The following TSHR variants were observed in gnomAD, a reference collection of about 807,000 sequenced individuals.
The protein encoded by TSHR is thyrotropin receptor.
A neutral mutation model predicts 64.1 loss-of-function variants in TSHR; 51 were observed. The observed-to-expected ratio is 0.80, with a 90% CI of 0.64 to 1.01. The LOEUF is 1.01. TSHR is among the 50% of genes least tolerant of loss of function. The probability of loss-of-function intolerance (pLI) is 0.00; values close to 1 mark genes in which losing one functional copy is unlikely to be tolerated. For synonymous variants in TSHR, 361 were observed against 361.9 expected (o/e 1.00, Z 0.03); for missense variants, 877 against 942.8 (o/e 0.93, Z 0.91).
At chr14:81,073,021 AAT>A (rs60115249) in intron 3 of TSHR, among the ~76,000 whole-genome samples, 11,251 of 48,524 alleles carry the variant, frequency 0.23, 3,534 homozygotes, top group East Asian at 0.58. Flanking sequence ...ATAAAAAATA[AAT>A]ATATATATAT....
chr14:81,030,056 G>T (rs1262640639), intron 1 of TSHR, among the ~76,000 whole-genome samples: 1 of 152,144 alleles, frequency 6.6e-6, no homozygotes, highest in Non-Finnish European at 1.5e-5. Flanking sequence ...GTGTTGATAG[G>T]CCCTAGAAAC....
intron 8 of TSHR, among the ~76,000 whole-genome samples, chr14:81,137,762 T>C (rs1891512170): frequency 6.6e-6 from 1 of 152,260 alleles, no homozygotes; most frequent in Non-Finnish European, 1.5e-5. Flanking sequence ...ATTACTAACA[T>C]GTTTTCTCAA....
intron 8 of TSHR, among the ~76,000 whole-genome samples, chr14:81,138,096 A>G (rs1891524897): frequency 6.6e-6 from 1 of 151,954 alleles, no homozygotes; most frequent in Admixed American, 6.6e-5. Context: ...CCACTCTCTC[A>G]CTAACCGCAA....
intron 1 of TSHR, chr14:80,995,678 G>C (rs953870146): frequency 1.3e-5 from 2 of 151,206 alleles, no homozygotes; most frequent in Non-Finnish European, 3.0e-5. Context: ...GCATTTTAGA[G>C]GCTGGGGGAT....
intron 2 of TSHR, among the ~76,000 whole-genome samples, chr14:81,063,098 T>C (rs1008925676): frequency 3.9e-5 from 6 of 152,282 alleles, no homozygotes; most frequent in Admixed American, 3.3e-4. Flanking sequence ...AATTATCTAG[T>C]CCAAAATGTC....
intron 3 of TSHR, among the ~76,000 whole-genome samples, chr14:81,069,655 T>G (rs1331974850): frequency 6.6e-6 from 1 of 152,180 alleles, no homozygotes; most frequent in Non-Finnish European, 1.5e-5. Context: ...TAAGAAGGAT[T>G]GTTCCTAGTA....
In TSHR at chr14:81,046,591, G is replaced by A. The variant is rs376603749; in HGVS notation, c.171-15557G>A. ...ATCTATCTTGTGATCTATCTTATAC[G>A]TAATTGGAGTTCCAGAAGGAAATGA... On this transcript the variant is annotated intron_variant, in intron 1 of 9. Transcript: ENST00000298171. 3.3e-4 allele frequency among the ~76,000 whole-genome samples: 50 copies of A among 151,696 alleles called. No homozygotes were observed. In the East Asian group the frequency reaches 4.4e-3, roughly 13 times the overall value.
chr14:81,070,572 G>A (rs1886987475), intron 3 of TSHR, among the ~76,000 whole-genome samples: 1 of 135,918 alleles, frequency 7.4e-6, no homozygotes, highest in Non-Finnish European at 1.5e-5. Flanking sequence ...GTTGCAGTGA[G>A]CTGAGATTGT....
intron 1 of TSHR, among the ~76,000 whole-genome samples, chr14:81,016,524 C>G (rs1200828935): frequency 6.6e-6 from 1 of 152,084 alleles, no homozygotes; most frequent in African/African-American, 2.4e-5. Context: ...ATATTAGCCC[C>G]TCACCAGATA....
At chr14:81,129,132 T>C (rs1891133268) in intron 8 of TSHR, among the ~76,000 whole-genome samples, 2 of 152,166 alleles carry the variant, frequency 1.3e-5, no homozygotes, top group South Asian at 2.1e-4. Context: ...CTGCCCTTCA[T>C]TGTACTTCCA....
intron 7 of TSHR, chr14:81,104,067 T>G: frequency 3.0e-6 from 3 of 985,438 alleles, no homozygotes; most frequent in Non-Finnish European, 3.6e-6. Flanking sequence ...AGGCTATTAT[T>G]TATCATGGGG....
At chr14:81,104,340 C>T in intron 7 of TSHR, 2 of 985,390 alleles carry the variant, frequency 2.0e-6, no homozygotes, top group Non-Finnish European at 2.4e-6. Flanking sequence ...AGTCTCACAA[C>T]ATAATCAAGG....
intron 1 of TSHR, chr14:80,983,231 C>T: frequency 1.6e-6 from 2 of 1,254,084 alleles, no homozygotes; most frequent in Non-Finnish European, 2.2e-6. Context: ...GTAAAGACAC[C>T]ATGTCATTTC....
intron 8 of TSHR, among the ~76,000 whole-genome samples, chr14:81,129,037 T>C (rs1235173169): frequency 6.6e-6 from 1 of 152,126 alleles, no homozygotes; most frequent in African/African-American, 2.4e-5. Flanking sequence ...CCAACACTGC[T>C]CCTGTCCTAA....
chr14:80,964,421 T>G (rs1005125407), intron 1 of TSHR, among the ~76,000 whole-genome samples: 2 of 152,266 alleles, frequency 1.3e-5, no homozygotes, highest in African/African-American at 4.8e-5. Flanking sequence ...GAATTAGTTT[T>G]GTCTGAATTT....
rs60393171 is a variant in TSHR at position 81,138,724 on chromosome 14, A to G, written c.693-955A>G. ...GATGTGGGGGGAGGAAATGGAAAAT[A>G]ATGGAATTCACTAGCTAATTGGATA... On this transcript the variant is annotated intron_variant, in intron 8 of 9. Coordinates refer to ENST00000298171, the MANE Select transcript of TSHR (RefSeq NM_000369.5). Among the ~76,000 whole-genome samples, 1,435 of 152,262 alleles carry G rather than the reference A, an allele frequency of 9.4e-3. 33 individuals are homozygous for G. Among genetic ancestry groups the G allele is most frequent in the African/African-American group, 0.033 (1,389 of 41,550 alleles).
chr14:80,990,545 C>T (rs59103962), intron 1 of TSHR, among the ~76,000 whole-genome samples: 19,149 of 152,202 alleles, frequency 0.13, 1,579 homozygotes, highest in East Asian at 0.43. Context: ...TTTGAACCTA[C>T]ACCTGTTACT....
At chr14:80,997,785 T>C (rs943687455) in intron 1 of TSHR, among the ~76,000 whole-genome samples, 2 of 152,228 alleles carry the variant, frequency 1.3e-5, no homozygotes, top group African/African-American at 4.8e-5. Context: ...GTCTGACTTC[T>C]GGCAAAATTA....
chr14:80,999,935 CT>C lies in TSHR; in HGVS notation c.170+44099del, dbSNP rs557662208. 3.1e-3 allele frequency among the ~76,000 whole-genome samples: 424 copies of C among 136,260 alleles called. 3 individuals are homozygous for C. The highest frequency in any genetic ancestry group is 0.012 in the South Asian group (50 of 4,286). 89.4% of individuals were successfully genotyped at this position (136,260 alleles called of 152,430 possible). On this transcript the variant is annotated intron_variant, in intron 1 of 9. Transcript: ENST00000298171. ...CTACCAAATTTTTTTTCTTTTTTTT[CT>C]TTTTTTTTTTTTTGAGACAGACTCT...
Sources: gnomAD v4.1 joint callset for allele counts (sites outside exome capture counted in the v4.1 genomes callset) on GRCh38, gnomAD v4.1.1 for gene constraint, MANE v1.5 for transcripts, NCBI Gene and HGNC (gene_info 2026-07-23, HGNC 2026-07-21) for gene names.